KHDRBS3: variants seen among roughly 807,000 people sequenced by gnomAD.
KHDRBS3 encodes the protein KH domain-containing, RNA-binding, signal transduction-associated protein 3.
In KHDRBS3, 23 loss-of-function variants were observed where a neutral mutation model predicts 45.6. The observed-to-expected ratio is 0.50, with a 90% CI of 0.36 to 0.72. The LOEUF is 0.72. Ranked by LOEUF, KHDRBS3 falls within the 30% of genes least tolerant of loss-of-function variation. The probability of loss-of-function intolerance (pLI) is 0.00; values close to 1 mark genes in which losing one functional copy is unlikely to be tolerated. For synonymous variants in KHDRBS3, 162 were observed against 156.5 expected (o/e 1.04, Z -0.26); for missense variants, 352 against 424.8 (o/e 0.83, Z 1.51).
intron 7 of KHDRBS3, chr8:135,625,481 C>G (rs1267707825): frequency 5.1e-6 from 4 of 787,364 alleles, no homozygotes; most frequent in South Asian, 1.4e-5. Context: ...CACAGCAGTT[C>G]TCTGTGTTGA....
At chr8:135,641,745 A>G (rs1831067704) in intron 7 of KHDRBS3, among the ~76,000 whole-genome samples, 1 of 152,222 alleles carries the variant, frequency 6.6e-6, no homozygotes, top group Non-Finnish European at 1.5e-5. Context: ...CCAGGCCTTG[A>G]CTGACAGCTG....
chr8:135,491,197 T>C (rs1373347392), intron 1 of KHDRBS3, among the ~76,000 whole-genome samples: 1 of 152,200 alleles, frequency 6.6e-6, no homozygotes, highest in East Asian at 1.9e-4. Flanking sequence ...TTTTTTTGTA[T>C]GTGTTTCTAT....
At position 135,647,049 on chromosome 8, in the gene KHDRBS3, G is replaced by T; in HGVS notation, c.1006G>T (p.Gly336Cys). The T allele has an allele frequency of 6.2e-7, 1 of 1,609,946 alleles. No individual in the cohort carries two copies. The highest frequency in any genetic ancestry group is 8.5e-7 in the Non-Finnish European group (1 of 1,176,334). The change falls in exon 9 of 9, where the codon GGC becomes TGC. Residue 336 changes from glycine to cysteine, a missense_variant. Coordinates refer to ENST00000355849, the MANE Select transcript of KHDRBS3 (RefSeq NM_006558.3). ...GGCACCTTCAGCGAGGACAGCAAAGGGCGTCTACAGAGACCAGCCATATGG... is the reference window on the plus strand; with the variant it reads ...GGCACCTTCAGCGAGGACAGCAAAGTGCGTCTACAGAGACCAGCCATATGG... ...HKAPSARTAK[G>C]VYRDQPYGRY is the part of the protein sequence containing the mutation.
chr8:135,509,607 C>G (rs1824173578), intron 1 of KHDRBS3, among the ~76,000 whole-genome samples: 1 of 152,274 alleles, frequency 6.6e-6, no homozygotes, highest in Non-Finnish European at 1.5e-5. Context: ...AATCCAGTAA[C>G]CTACTCATTT....
chr8:135,523,172 G>T (rs1298835563), intron 2 of KHDRBS3, among the ~76,000 whole-genome samples: 1 of 152,078 alleles, frequency 6.6e-6, no homozygotes, highest in Non-Finnish European at 1.5e-5. Flanking sequence ...ATAAATTTAA[G>T]AATTTCTTTG....
chr8:135,578,493 T>C (rs1441419183), intron 5 of KHDRBS3, among the ~76,000 whole-genome samples: 1 of 152,188 alleles, frequency 6.6e-6, no homozygotes, highest in African/African-American at 2.4e-5. Context: ...TTATTTTCCA[T>C]TGAATTGTCT....
At position 135,582,086 on chromosome 8, in the gene KHDRBS3, G is replaced by A; in HGVS notation, c.807+13G>A. Reference sequence around the variant, plus strand: ...TTATGGAGAATATGTAAGTGAAGGTGTCAGACAACAGCCTTGTTCATCAGA... The same window carrying A: ...TTATGGAGAATATGTAAGTGAAGGTATCAGACAACAGCCTTGTTCATCAGA... On this transcript the variant is annotated intron_variant, in intron 6 of 8. Transcript: ENST00000355849. The A allele has an allele frequency of 6.6e-7, 1 of 1,522,766 alleles. No homozygotes were observed. Among genetic ancestry groups the A allele is most frequent in the African/African-American group, 1.4e-5 (1 of 72,804 alleles). The allele number at this position is 1,522,766 out of a possible 1,614,324, so 94.3% of individuals were successfully genotyped here. A position where few individuals can be genotyped will look rare whatever the true frequency, so the allele number is the denominator to read the frequency against.
At chr8:135,633,472 A>T (rs1036202347) in intron 7 of KHDRBS3, among the ~76,000 whole-genome samples, 1 of 152,222 alleles carries the variant, frequency 6.6e-6, no homozygotes, top group Non-Finnish European at 1.5e-5. Flanking sequence ...AGACTTAATA[A>T]ATCAGGTGAG....
At chr8:135,639,352 G>A in intron 7 of KHDRBS3, among the ~76,000 whole-genome samples, 1 of 152,214 alleles carries the variant, frequency 6.6e-6, no homozygotes, top group Non-Finnish European at 1.5e-5. Context: ...GCTAAAGGAG[G>A]TCAGGTCAGT....
At chr8:135,472,819 C>T (rs191447620) in intron 1 of KHDRBS3, among the ~76,000 whole-genome samples, 17 of 152,174 alleles carry the variant, frequency 1.1e-4, no homozygotes, top group African/African-American at 4.1e-4. Flanking sequence ...ATGCATTGCC[C>T]TGACTTTGAA....
intron 1 of KHDRBS3, among the ~76,000 whole-genome samples, chr8:135,494,024 A>G (rs1386677281): frequency 6.6e-6 from 1 of 152,088 alleles, no homozygotes; most frequent in Non-Finnish European, 1.5e-5. Flanking sequence ...TATCAAATTT[A>G]TTGGTGCATA....
At chr8:135,492,380 C>T (rs1350776698) in intron 1 of KHDRBS3, among the ~76,000 whole-genome samples, 1 of 151,808 alleles carries the variant, frequency 6.6e-6, no homozygotes, top group Non-Finnish European at 1.5e-5. Context: ...ATAGAGACAG[C>T]TTTATGTCTG....
chr8:135,557,663 A>G, intron 5 of KHDRBS3, 76 bp downstream of exon 5: 1 of 1,082,300 alleles, frequency 9.2e-7, no homozygotes, highest in South Asian at 1.4e-5. Flanking sequence ...AGCCAAAACC[A>G]GTTCTATCTG....
intron 5 of KHDRBS3, among the ~76,000 whole-genome samples, chr8:135,575,132 A>G (rs1487202044): frequency 1.3e-5 from 2 of 152,340 alleles, no homozygotes; most frequent in Non-Finnish European, 2.9e-5. Flanking sequence ...CTAATTTACA[A>G]TAGTCATTAA....
At chr8:135,521,749 C>G (rs536557411) in intron 2 of KHDRBS3, among the ~76,000 whole-genome samples, 1 of 152,146 alleles carries the variant, frequency 6.6e-6, no homozygotes, top group South Asian at 2.1e-4. Context: ...TTTCTTTTGT[C>G]TTCTGAATGT....
intron 1 of KHDRBS3, chr8:135,458,329 C>A: frequency 2.2e-6 from 1 of 449,398 alleles, no homozygotes; most frequent in Non-Finnish European, 3.2e-6. Flanking sequence ...GGAAGTAGGG[C>A]GTTTGGTTTG....
At chr8:135,461,374 A>T (rs543148890) in intron 1 of KHDRBS3, among the ~76,000 whole-genome samples, 1 of 152,330 alleles carries the variant, frequency 6.6e-6, no homozygotes, top group East Asian at 1.9e-4. Flanking sequence ...AAGTGCTGGG[A>T]TTACAGGTGT....
intron 1 of KHDRBS3, among the ~76,000 whole-genome samples, chr8:135,485,252 A>G (rs1822797611): frequency 6.6e-6 from 1 of 152,246 alleles, no homozygotes; most frequent in South Asian, 2.1e-4. Flanking sequence ...GGAGACATTC[A>G]ATGAAAGATA....
intron 6 of KHDRBS3, among the ~76,000 whole-genome samples, chr8:135,592,758 T>A (rs917126728): frequency 1.3e-4 from 1 of 7,944 alleles, no homozygotes; most frequent in Non-Finnish European, 7.6e-3. Context: ...GGCTTCGAAC[T>A]CTGGTTATAT....
Sources: gnomAD v4.1 joint callset for allele counts (sites outside exome capture counted in the v4.1 genomes callset) on GRCh38, gnomAD v4.1.1 for gene constraint, MANE v1.5 for transcripts, NCBI Gene and HGNC (gene_info 2026-07-23, HGNC 2026-07-21) for gene names.